MAP3K3: variants seen among roughly 807,000 people sequenced by gnomAD.
The protein encoded by MAP3K3 is mitogen-activated protein kinase kinase kinase 3, also known as MAP/ERK kinase kinase 3.
MAP3K3 carries 12 observed loss-of-function variants against 80.9 expected under a neutral mutation model. The ratio of observed to expected loss-of-function variants is 0.15; its 90% CI spans 0.10 to 0.24. The LOEUF (loss-of-function observed/expected upper bound fraction) is 0.24. Among genes scored for constraint, MAP3K3 ranks in the 10% least tolerant of loss-of-function variants. MAP3K3 has a pLI of 1.00. For synonymous variants in MAP3K3, 272 were observed against 307.1 expected (o/e 0.89, Z 1.19); for missense variants, 596 against 834.7 (o/e 0.71, Z 3.52).
intron 4 of MAP3K3, among the ~76,000 whole-genome samples, chr17:63,654,102 C>T (rs949577797): frequency 1.2e-4 from 19 of 152,126 alleles, no homozygotes; most frequent in Non-Finnish European, 2.8e-4. Context: ...TTCCTGAGCT[C>T]AAGCGATCTG....
At chr17:63,641,195 A>G (rs1256847285) in intron 2 of MAP3K3, among the ~76,000 whole-genome samples, 1 of 151,976 alleles carries the variant, frequency 6.6e-6, no homozygotes, top group African/African-American at 2.4e-5. Context: ...CACTTTACAG[A>G]TGAGGAAACT....
At chr17:63,629,369 C>T (rs56109069) in intron 1 of MAP3K3, among the ~76,000 whole-genome samples, 3,854 of 152,290 alleles carry the variant, frequency 0.025, 75 homozygotes, top group Middle Eastern at 0.037. Flanking sequence ...AAGTGATCCA[C>T]GCATCTTGGC....
Position 63,681,807 on chromosome 17 carries a change from G to C in MAP3K3, c.544G>C (p.Val182Leu). ...CCGAAGCTCACCTCCCCCTGGCTAT[G>C]TTCCTGAGCGGCAGCAGCACATTGC... ...PGRSSPPPGY[V>L]PERQQHIARQ... The change falls in exon 7 of 16, where the codon GTT becomes CTT. Residue 182 changes from valine (V) to leucine (L), a missense_variant. By Grantham distance (32) the Val-to-Leu change is conservative (BLOSUM62 1). This residue lies in a region of MAP3K3 where 232 missense variants were observed against 245.8 expected (regional missense o/e 0.94). Coordinates refer to ENST00000361733, the MANE Select transcript of MAP3K3 (RefSeq NM_002401.5). 6.5e-7 allele frequency: 1 copy of C among 1,549,416 alleles called. No homozygotes were observed.
rs62077479 is a variant in MAP3K3 at position 63,689,053 on chromosome 17, T to A, written c.871+172T>A. On this transcript the variant is annotated intron_variant, in intron 10 of 15. Transcript: ENST00000361733. The surrounding 1 kb of genome is among the most constrained non-coding windows in gnomAD (Gnocchi z 4.3). The stretch of plus-strand genomic sequence containing the variant: ...AAAACAAAAACAAAAACAGGGAAGA[T>A]AGTATTTGTAGACCAGATGCTGCCA... 155 of 607,940 alleles carry A rather than the reference T, an allele frequency of 2.5e-4. No individual in the cohort carries two copies. Among genetic ancestry groups the A allele is most frequent in the Non-Finnish European group, 4.1e-4 (140 of 342,988 alleles). 37.7% of individuals were successfully genotyped at this position (607,940 alleles called of 1,614,324 possible). A position where few individuals can be genotyped will look rare whatever the true frequency, so the allele number is the denominator to read the frequency against.
rs748895630 is a variant in MAP3K3 at position 63,691,682 on chromosome 17, C to T, written c.1345-51C>T. ...GCTGGGGGCTGGAATGGGCTTGCCCCTCCACCAGCCCTCCCCTGAGGGGAC... is the reference window on the plus strand; with the variant it reads ...GCTGGGGGCTGGAATGGGCTTGCCCTTCCACCAGCCCTCCCCTGAGGGGAC... On this transcript the variant is annotated intron_variant, in intron 13 of 15. Transcript: ENST00000361733. The surrounding 1 kb of genome is among the most constrained non-coding windows in gnomAD (Gnocchi z 4.8). 3 of 1,590,118 alleles carry T rather than the reference C, an allele frequency of 1.9e-6. No homozygotes were observed. The East Asian group carries it at 6.8e-5, about 36-fold the overall frequency.
intron 2 of MAP3K3, among the ~76,000 whole-genome samples, chr17:63,633,295 T>A (rs963961935): frequency 6.6e-6 from 1 of 152,114 alleles, no homozygotes; most frequent in Non-Finnish European, 1.5e-5. Flanking sequence ...CTTAAAGCCT[T>A]GTGTAAGCAT....
At chr17:63,623,491 T>C (rs1477411584) in intron 1 of MAP3K3, among the ~76,000 whole-genome samples, 2 of 152,270 alleles carry the variant, frequency 1.3e-5, no homozygotes, top group Non-Finnish European at 2.9e-5. Context: ...CCTGAAATTA[T>C]GTAACTTTTG....
At chr17:63,646,476 C>T (rs1189899650) in intron 3 of MAP3K3, among the ~76,000 whole-genome samples, 1 of 152,170 alleles carries the variant, frequency 6.6e-6, no homozygotes. Flanking sequence ...TAGAGCAGCC[C>T]TGGCTTTGTC....
intron 12 of MAP3K3, 129 bp downstream of exon 12, chr17:63,690,541 TC>T: frequency 1.0e-6 from 1 of 976,390 alleles, no homozygotes; most frequent in Non-Finnish European, 1.5e-6. Context: ...TCCCTTTCTG[TC>T]CATCCTGGTC....
chr17:63,671,683 T>G (rs1048839208), intron 6 of MAP3K3, among the ~76,000 whole-genome samples: 3 of 152,176 alleles, frequency 2.0e-5, no homozygotes, highest in African/African-American at 7.2e-5. Flanking sequence ...CATGTGTGCT[T>G]GTATATGATT....
chr17:63,634,784 G>C, intron 2 of MAP3K3: 2 of 1,613,908 alleles, frequency 1.2e-6, no homozygotes, highest in Non-Finnish European at 1.7e-6. Flanking sequence ...AGGGGCCAGT[G>C]AGAAAAAGAA....
At chr17:63,653,569 T>C (rs529195838) in intron 4 of MAP3K3, among the ~76,000 whole-genome samples, 2 of 152,368 alleles carry the variant, frequency 1.3e-5, no homozygotes, top group Admixed American at 1.3e-4. Context: ...ATCATTGTTA[T>C]TATTTTAGTT....
intron 5 of MAP3K3, among the ~76,000 whole-genome samples, chr17:63,662,293 T>C (rs2034909727): frequency 6.8e-6 from 1 of 147,476 alleles, no homozygotes. Context: ...TGCGTGCCTG[T>C]GGTCTTAGCT....
intron 2 of MAP3K3, among the ~76,000 whole-genome samples, chr17:63,637,677 C>G (rs908166739): frequency 6.6e-6 from 1 of 152,170 alleles, no homozygotes; most frequent in Non-Finnish European, 1.5e-5. Flanking sequence ...GTTTTTCTCT[C>G]TTTATGGGAT....
chr17:63,640,747 G>T (rs2034423145), intron 2 of MAP3K3, among the ~76,000 whole-genome samples: 2 of 152,130 alleles, frequency 1.3e-5, no homozygotes. Flanking sequence ...GAACAGTGTT[G>T]CCCAGAGTTA....
rs1028475191 is a variant in MAP3K3 at position 63,665,943 on chromosome 17, A to T, written c.382-997A>T. ...TTTTTGTTAGGGGGAGGTAGAGGAGATAGAGGAGCAAGTAGAAACTTTGAA... is the reference window on the plus strand; with the variant it reads ...TTTTTGTTAGGGGGAGGTAGAGGAGTTAGAGGAGCAAGTAGAAACTTTGAA... On this transcript the variant is annotated intron_variant, in intron 5 of 15. Transcript: ENST00000361733. 2.6e-5 allele frequency among the ~76,000 whole-genome samples: 4 copies of T among 152,214 alleles called. No homozygotes were observed. In the South Asian group the frequency reaches 8.3e-4, roughly 32 times the overall value.
chr17:63,652,103 T>C (rs2034668182), intron 3 of MAP3K3, among the ~76,000 whole-genome samples: 1 of 152,202 alleles, frequency 6.6e-6, no homozygotes, highest in South Asian at 2.1e-4. Flanking sequence ...ACATGTGCCA[T>C]GGTGGTTTGC....
chr17:63,655,902 TTCCATA>T (rs2143376427), intron 4 of MAP3K3, among the ~76,000 whole-genome samples: 1 of 152,284 alleles, frequency 6.6e-6, no homozygotes, highest in South Asian at 2.1e-4. Flanking sequence ...CATTCTCCCA[TTCCATA>T]AGTAGTTTTG....
Position 63,632,773 on chromosome 17 carries a change from A to G in MAP3K3, c.97A>G (p.Asn33Asp), listed in dbSNP as rs2034244072. 3 of 1,614,020 alleles carry G rather than the reference A, an allele frequency of 1.9e-6. No homozygotes were observed. The South Asian group carries it at 3.3e-5, about 18-fold the overall frequency. Residue 33 changes from asparagine to aspartate, a missense_variant, in exon 2 of 16, where the codon AAC becomes GAC. This residue lies in a region of MAP3K3 where 232 missense variants were observed against 245.8 expected (regional missense o/e 0.94). Coordinates refer to ENST00000361733, the MANE Select transcript of MAP3K3 (RefSeq NM_002401.5). ...HRMPGYETMK[N>D]KDTGHSNRQS... ...GATGCCTGGATATGAGACCATGAAG[A>G]ACAAAGACACAGGTCACTCAAATAG...
Sources: gnomAD v4.1 joint callset for allele counts (sites outside exome capture counted in the v4.1 genomes callset) on GRCh38, gnomAD v4.1.1 for gene constraint, gnomAD v4.1.1 regional missense constraint, Gnocchi (gnomAD v3.1) non-coding constraint, MANE v1.5 for transcripts, NCBI Gene and HGNC (gene_info 2026-07-23, HGNC 2026-07-21) for gene names.